The following SPTBN1 variants were observed in gnomAD, a reference collection of about 807,000 sequenced individuals.
The protein encoded by SPTBN1 is spectrin beta chain, non-erythrocytic 1.
Under a neutral mutation model 266.4 loss-of-function variants are expected in SPTBN1, and 32 were observed. That is an observed-to-expected ratio of 0.12 (90% CI 0.09 to 0.16). The LOEUF is 0.16. Ranked by LOEUF, SPTBN1 falls within the 10% of genes least tolerant of loss-of-function variation. The pLI, the probability that SPTBN1 is intolerant of heterozygous loss-of-function variation, is 1.00. For synonymous variants in SPTBN1, 1,336 were observed against 1,162.2 expected (o/e 1.15, Z -3.04); for missense variants, 2,296 against 3,067.1 (o/e 0.75, Z 5.94).
chr2:54,617,969 A>G (rs1677722984), intron 6 of SPTBN1, 109 bp from the exon 7 acceptor site: 2 of 842,504 alleles, frequency 2.4e-6, no homozygotes, highest in Non-Finnish European at 3.8e-6. Flanking sequence ...TTAGAGTTTT[A>G]CTCCACTAAT....
chr2:54,557,775 A>G (rs1473732840), intron 2 of SPTBN1: 2 of 985,298 alleles, frequency 2.0e-6, no homozygotes, highest in Middle Eastern at 5.2e-4. Context: ...CACCGCCTTC[A>G]TATCCCCTGA....
rs1558775035 is a variant in SPTBN1 at position 54,492,338 on chromosome 2, G to GGTTTTTTTT, written c.-47-34034_-47-34033insGTTTTTTTT. Among the ~76,000 whole-genome samples, 15 of 118,104 alleles carry GGTTTTTTTT rather than the reference G, an allele frequency of 1.3e-4. 4 individuals are homozygous for GGTTTTTTTT. Among genetic ancestry groups the GGTTTTTTTT allele is most frequent in the Non-Finnish European group, 1.0e-4 (6 of 58,036 alleles). 77.5% of individuals were successfully genotyped at this position (118,104 alleles called of 152,430 possible). Reference sequence around the variant, plus strand: ...TTACTGGACATTTAGTTTGTCTGCAGTTGTTTTTTTGTTTTTTTTTTTTTT... The same window carrying GGTTTTTTTT: ...TTACTGGACATTTAGTTTGTCTGCAGGTTTTTTTTTTGTTTTTTTGTTTTTTTTTTTTTT... On this transcript the variant is annotated intron_variant, in intron 1 of 35. Transcript: ENST00000356805.
chr2:54,656,956 A>G (rs958920677), intron 29 of SPTBN1, among the ~76,000 whole-genome samples: 6 of 152,208 alleles, frequency 3.9e-5, no homozygotes, highest in African/African-American at 1.4e-4. Flanking sequence ...CAGAGGTGGC[A>G]TCTTCTTCAT....
intron 1 of SPTBN1, among the ~76,000 whole-genome samples, chr2:54,467,592 C>T (rs1188926504): frequency 6.6e-6 from 1 of 152,164 alleles, no homozygotes; most frequent in East Asian, 1.9e-4. Flanking sequence ...ACCATGTTGG[C>T]CAGACTGGTC....
intron 1 of SPTBN1, among the ~76,000 whole-genome samples, chr2:54,499,840 C>G (rs1430374029): frequency 6.6e-6 from 1 of 152,156 alleles, no homozygotes; most frequent in African/African-American, 2.4e-5. Flanking sequence ...TAATAAAACC[C>G]TGGATGTCAG....
rs1287267740 is a variant in SPTBN1, at chr2:54,533,349, AGTGTGTG to A, written c.148+6784_148+6790del. Among the ~76,000 whole-genome samples, 3 of 141,884 alleles carry A rather than the reference AGTGTGTG, an allele frequency of 2.1e-5. No homozygotes were observed. Among genetic ancestry groups the A allele is most frequent in the Non-Finnish European group, 4.6e-5 (3 of 65,494 alleles). 93.1% of individuals were successfully genotyped at this position (141,884 alleles called of 152,430 possible). ...AGTGAAACCCAGGCTAAAGGGGACT[AGTGTGTG>A]TGTGTGTGTGTGTGTGTGTGTGTGT... is the stretch of plus-strand genomic sequence containing the variant. On this transcript the variant is annotated intron_variant, in intron 2 of 35. Coordinates refer to ENST00000356805, the MANE Select transcript of SPTBN1 (RefSeq NM_003128.3). The surrounding 1 kb of genome is among the most constrained non-coding windows in gnomAD (Gnocchi z 4.2).
At chr2:54,665,439 A>G (rs577935328) in intron 33 of SPTBN1, among the ~76,000 whole-genome samples, 1 of 152,310 alleles carries the variant, frequency 6.6e-6, no homozygotes, top group Admixed American at 6.5e-5. Context: ...TAATTCACCC[A>G]AAGGTACTGT....
chr2:54,579,671 G>A (rs1028897801), intron 2 of SPTBN1, among the ~76,000 whole-genome samples: 1 of 152,196 alleles, frequency 6.6e-6, no homozygotes, highest in Non-Finnish European at 1.5e-5. Flanking sequence ...AAGTACCTTT[G>A]TAAGTCCCGA....
rs952092005 is a variant in SPTBN1 at position 54,646,739 on chromosome 2, A to G, written c.4866+264A>G. On this transcript the variant is annotated intron_variant, in intron 23 of 35. Transcript: ENST00000356805. The surrounding 1 kb of genome is among the most constrained non-coding windows in gnomAD (Gnocchi z 4.4). ...TATGCCAGAGTCCTTCCTGCTGTCTATTTATAGGTTCCCTAAACTTTACAA... is the reference window on the plus strand; with the variant it reads ...TATGCCAGAGTCCTTCCTGCTGTCTGTTTATAGGTTCCCTAAACTTTACAA... Among the ~76,000 whole-genome samples the G allele has an allele frequency of 2.0e-5, 3 of 152,228 alleles. No individual in the cohort carries two copies. The highest frequency in any genetic ancestry group is 1.9e-4 in the East Asian group (1 of 5,182).
chr2:54,496,229 G>A (rs977802302), intron 1 of SPTBN1, among the ~76,000 whole-genome samples: 4 of 152,068 alleles, frequency 2.6e-5, no homozygotes, highest in African/African-American at 9.7e-5. Context: ...CCTAAGCTCA[G>A]GAGTTCGAGA....
rs1442211516 is a variant in SPTBN1 at position 54,495,897 on chromosome 2, A to AT, written c.-47-30468dup. Among the ~76,000 whole-genome samples the AT allele has an allele frequency of 5.3e-5, 8 of 152,262 alleles. No homozygotes were observed. The South Asian group carries it at 1.2e-3, about 24-fold the overall frequency. ...GCAAGTAAATCAAAGAATATAGTTA[A>AT]TTTTTTTATTAACAGGTGCAGTTTC... is the stretch of plus-strand genomic sequence containing the variant. On this transcript the variant is annotated intron_variant, in intron 1 of 35. Coordinates refer to ENST00000356805, the MANE Select transcript of SPTBN1 (RefSeq NM_003128.3).
At chr2:54,525,533 C>A (rs1573335965) in intron 1 of SPTBN1, among the ~76,000 whole-genome samples, 1 of 152,258 alleles carries the variant, frequency 6.6e-6, no homozygotes, top group East Asian at 1.9e-4. Flanking sequence ...TGTGCCTGGC[C>A]TTACATCTTA....
At chr2:54,464,154 T>C (rs1693510231) in intron 1 of SPTBN1, among the ~76,000 whole-genome samples, 1 of 152,212 alleles carries the variant, frequency 6.6e-6, no homozygotes. Context: ...AAGCCTTAAA[T>C]GCTTATACCT....
At chr2:54,566,024 T>C (rs1673632886) in intron 2 of SPTBN1, among the ~76,000 whole-genome samples, 1 of 152,220 alleles carries the variant, frequency 6.6e-6, no homozygotes, top group Non-Finnish European at 1.5e-5. Flanking sequence ...GCTCCACCTC[T>C]TGTGCACATA....
intron 2 of SPTBN1, among the ~76,000 whole-genome samples, chr2:54,566,566 C>T (rs959415360): frequency 2.6e-5 from 4 of 152,060 alleles, no homozygotes; most frequent in Non-Finnish European, 5.9e-5. Flanking sequence ...CTCAGTGTCT[C>T]ATGTCTGTAA....
At chr2:54,578,485 T>G (rs113127745) in intron 2 of SPTBN1, among the ~76,000 whole-genome samples, 2,105 of 152,316 alleles carry the variant, frequency 0.014, 46 homozygotes, top group African/African-American at 0.047. Flanking sequence ...CTGCCAAGTA[T>G]AAGTGAAGAC....
At chr2:54,635,504 G>T (rs1211647442) in intron 17 of SPTBN1, among the ~76,000 whole-genome samples, 2 of 152,196 alleles carry the variant, frequency 1.3e-5, no homozygotes, top group Non-Finnish European at 2.9e-5. Flanking sequence ...AGGCTGCCTG[G>T]GCCGGTAACT....
intron 1 of SPTBN1, among the ~76,000 whole-genome samples, chr2:54,492,338 G>GGTTTTTTTTTTTT (rs1558775035): frequency 1.7e-5 from 2 of 118,112 alleles, no homozygotes; most frequent in Non-Finnish European, 1.7e-5. Context: ...TTTGTCTGCA[G>GGTTTTTTTTTTTT]TTGTTTTTTT....
At chr2:54,639,307 C>G (rs1679371036) in intron 18 of SPTBN1, among the ~76,000 whole-genome samples, 1 of 152,194 alleles carries the variant, frequency 6.6e-6, no homozygotes, top group Admixed American at 6.5e-5. Context: ...GTGTTTGTAG[C>G]TTGGGCTGGG....
Sources: allele counts gnomAD v4.1 joint callset (sites outside exome capture counted in the v4.1 genomes callset), GRCh38; gene constraint gnomAD v4.1.1; non-coding constraint Gnocchi (gnomAD v3.1); transcripts MANE v1.5; gene names NCBI Gene and HGNC (gene_info 2026-07-23, HGNC 2026-07-21).